KIAA1217: variants seen among roughly 807,000 people sequenced by gnomAD.
KIAA1217 encodes KIAA1217.
In KIAA1217, 88 loss-of-function variants were observed where a neutral mutation model predicts 163.9. The observed-to-expected ratio is 0.54, with a 90% CI of 0.45 to 0.64. The LOEUF (loss-of-function observed/expected upper bound fraction) is 0.64, where lower values mean the gene tolerates loss of function less well. Among genes scored for constraint, KIAA1217 ranks in the 30% least tolerant of loss-of-function variants. The pLI is 0.00. For missense variants in KIAA1217, 2,372 were observed against 2,475.0 expected (o/e 0.96, Z 0.88); for synonymous variants, 903 against 923.1 (o/e 0.98, Z 0.39).
chr10:24,059,537 T>C (rs1394685357), intron 2 of KIAA1217, among the ~76,000 whole-genome samples: 2 of 152,134 alleles, frequency 1.3e-5, no homozygotes, highest in Non-Finnish European at 2.9e-5. Context: ...TGATTACTAA[T>C]TCAATTTCCT....
chr10:24,062,575 T>A (rs1374039336), intron 2 of KIAA1217, among the ~76,000 whole-genome samples: 4 of 151,288 alleles, frequency 2.6e-5, no homozygotes, highest in African/African-American at 9.8e-5. Flanking sequence ...TCTTTGCTAT[T>A]GTGAATAGTG....
At chr10:24,208,936 AGGACGGAC>A (rs548289537), upstream of KIAA1217, 10 of 331,808 alleles carry the variant, frequency 3.0e-5, no homozygotes, top group East Asian at 4.1e-4. Flanking sequence ...AGCGCGCCTG[AGGACGGAC>A]GGACGGACGG....
At chr10:23,759,322 G>GT (rs35510859) in intron 1 of KIAA1217, among the ~76,000 whole-genome samples, 21,294 of 152,078 alleles carry the variant, frequency 0.14, 1,843 homozygotes, top group Non-Finnish European at 0.18. Context: ...AATAATTAGG[G>GT]TTTTTTACAT....
At chr10:24,516,865 T>C (rs2134389856) in intron 10 of KIAA1217, among the ~76,000 whole-genome samples, 1 of 152,260 alleles carries the variant, frequency 6.6e-6, no homozygotes, top group East Asian at 1.9e-4. Context: ...CCTTTTGAAA[T>C]ATATATCCTT....
chr10:24,528,463 T>G (rs1473197481), intron 14 of KIAA1217, among the ~76,000 whole-genome samples: 2 of 151,868 alleles, frequency 1.3e-5, no homozygotes, highest in Non-Finnish European at 2.9e-5. Flanking sequence ...TAGCTAGGGC[T>G]GTAGATGTGT....
chr10:24,534,864 A>G (rs2073740653), intron 16 of KIAA1217, among the ~76,000 whole-genome samples: 1 of 146,784 alleles, frequency 6.8e-6, no homozygotes, highest in East Asian at 2.0e-4. Flanking sequence ...CTGGGTGACA[A>G]GAGTGAAACT....
chr10:24,535,637 C>T (rs186782573), intron 16 of KIAA1217, among the ~76,000 whole-genome samples: 3 of 152,118 alleles, frequency 2.0e-5, no homozygotes, highest in Admixed American at 6.5e-5. Context: ...ATCAGCCAGG[C>T]GTGGTGGCGG....
At chr10:24,490,250 C>T (rs777801732) in intron 6 of KIAA1217, among the ~76,000 whole-genome samples, 11 of 152,178 alleles carry the variant, frequency 7.2e-5, no homozygotes, top group Admixed American at 4.6e-4. Flanking sequence ...GCCATCTTTT[C>T]AACAGTAATT....
intron 2 of KIAA1217, among the ~76,000 whole-genome samples, chr10:24,116,864 A>G (rs1344867618): frequency 6.6e-6 from 1 of 152,196 alleles, no homozygotes; most frequent in East Asian, 1.9e-4. Context: ...ACTTATTTCT[A>G]GAAGGATGTT....
At chr10:24,404,213 G>C (rs372413374) in intron 3 of KIAA1217, among the ~76,000 whole-genome samples, 1 of 152,070 alleles carries the variant, frequency 6.6e-6, no homozygotes, top group African/African-American at 2.4e-5. Flanking sequence ...CTCCCGCTTT[G>C]GCCTCCCAAA....
intron 2 of KIAA1217, among the ~76,000 whole-genome samples, chr10:24,110,989 T>C (rs778494915): frequency 6.6e-6 from 1 of 152,240 alleles, no homozygotes; most frequent in Non-Finnish European, 1.5e-5. Context: ...AGATTTTAGC[T>C]ACAGAGGGCA....
At chr10:23,705,606 T>C (rs1836831362) in intron 1 of KIAA1217, among the ~76,000 whole-genome samples, 1 of 152,160 alleles carries the variant, frequency 6.6e-6, no homozygotes, top group Admixed American at 6.5e-5. Flanking sequence ...GTATGTTCAT[T>C]TTTATGCCAG....
chr10:24,322,456 G>A (rs528227907), intron 2 of KIAA1217, among the ~76,000 whole-genome samples: 81 of 152,254 alleles, frequency 5.3e-4, no homozygotes, highest in African/African-American at 1.8e-3. Context: ...AAAGACTAGT[G>A]TTGGGAGGAG....
intron 2 of KIAA1217, among the ~76,000 whole-genome samples, chr10:24,343,205 A>C (rs1397128768): frequency 6.6e-6 from 1 of 152,218 alleles, no homozygotes; most frequent in Non-Finnish European, 1.5e-5. Context: ...AAATGTTTAC[A>C]AATCTTACCA....
intron 2 of KIAA1217, among the ~76,000 whole-genome samples, chr10:24,047,222 C>T (rs1849098210): frequency 6.6e-6 from 1 of 152,140 alleles, no homozygotes; most frequent in Admixed American, 6.6e-5. Flanking sequence ...CACACAAACA[C>T]ACACATGCAT....
intron 2 of KIAA1217, among the ~76,000 whole-genome samples, chr10:24,268,249 C>A (rs1278138568): frequency 6.6e-6 from 1 of 152,160 alleles, no homozygotes; most frequent in East Asian, 1.9e-4. Context: ...TGTCAACAAC[C>A]TGTTATATTT....
chr10:24,049,688 T>A (rs940873494), intron 2 of KIAA1217, among the ~76,000 whole-genome samples: 2 of 152,210 alleles, frequency 1.3e-5, no homozygotes, highest in Admixed American at 6.5e-5. Context: ...GTGCCACATT[T>A]TCTTTATCCA....
intron 1 of KIAA1217, among the ~76,000 whole-genome samples, chr10:23,760,699 G>T (rs984925376): frequency 6.6e-6 from 1 of 152,190 alleles, no homozygotes; most frequent in Non-Finnish European, 1.5e-5. Flanking sequence ...TCAGCACTTT[G>T]GGAGGCCCAG....
intron 2 of KIAA1217, among the ~76,000 whole-genome samples, chr10:24,039,372 A>G (rs1465686686): frequency 6.6e-6 from 1 of 152,152 alleles, no homozygotes; most frequent in Non-Finnish European, 1.5e-5. Context: ...TTCAGTAGAA[A>G]CCATACTTTG....
Sources: gnomAD v4.1 joint callset for allele counts (sites outside exome capture counted in the v4.1 genomes callset) on GRCh38, gnomAD v4.1.1 for gene constraint, MANE v1.5 for transcripts, NCBI Gene and HGNC (gene_info 2026-07-23, HGNC 2026-07-21) for gene names.